The following ENTPD6 variants were observed in gnomAD, a reference collection of about 807,000 sequenced individuals.
ENTPD6 encodes the protein ectonucleoside triphosphate diphosphohydrolase 6, also known as CD39 antigen-like 2.
ENTPD6 carries 46 observed loss-of-function variants against 61.5 expected under a neutral mutation model. The observed-to-expected ratio is 0.75, with a 90% CI of 0.59 to 0.96. ENTPD6 has a LOEUF of 0.96. Ranked by LOEUF, ENTPD6 falls within the 40% of genes least tolerant of loss-of-function variation. ENTPD6 has a pLI of 0.00. For missense variants in ENTPD6, 612 were observed against 629.0 expected, an observed-to-expected ratio of 0.97 and a Z score of 0.29; for synonymous variants, 252 against 255.5, an observed-to-expected ratio of 0.99 and a Z score of 0.13.
In ENTPD6 at chr20:25,206,660, A is replaced by G. The variant is rs563542122; in HGVS notation, c.54+70A>G. 17 of 1,106,784 alleles carry G rather than the reference A, an allele frequency of 1.5e-5. No homozygotes were observed. In the South Asian group the frequency reaches 2.0e-4, roughly 13 times the overall value. 68.6% of individuals were successfully genotyped at this position (1,106,784 alleles called of 1,614,324 possible). A position where few individuals can be genotyped will look rare whatever the true frequency, so the allele number is the denominator to read the frequency against. Reference sequence around the variant, plus strand: ...ACCTTTCGAAAAGTAAATTGCCTGAATAGAAGTATAACTGAGGATTGAAAG... The same window carrying G: ...ACCTTTCGAAAAGTAAATTGCCTGAGTAGAAGTATAACTGAGGATTGAAAG... On this transcript the variant is annotated intron_variant, in intron 2 of 14. Transcript: ENST00000376652.
At chr20:25,202,772 T>A (rs1446047873) in intron 1 of ENTPD6, among the ~76,000 whole-genome samples, 2 of 152,260 alleles carry the variant, frequency 1.3e-5, no homozygotes, top group African/African-American at 4.8e-5. Context: ...TGCATATATC[T>A]TTTAAATCCT....
rs374640731 is a variant in ENTPD6, at chr20:25,214,829, A to G, written c.598-38A>G. On this transcript the variant is annotated intron_variant, in intron 5 of 14. Transcript: ENST00000376652. ...AATAAATAAATATATTCATTCATTC[A>G]TTCTAAAGGATGAAGTAACATCTCT... is the stretch of plus-strand genomic sequence containing the variant. 3.4e-6 allele frequency: 4 copies of G among 1,167,804 alleles called. No individual in the cohort carries two copies. The Admixed American group carries it at 5.0e-5, about 15-fold the overall frequency. The allele number at this position is 1,167,804 out of a possible 1,614,324, so 72.3% of individuals were successfully genotyped here. A position where few individuals can be genotyped will look rare whatever the true frequency, so the allele number is the denominator to read the frequency against.
In ENTPD6 at chr20:25,209,917, G is replaced by A. The variant is rs2091836742; in HGVS notation, c.445G>A (p.Val149Ile). 1 of 1,613,964 alleles carries A rather than the reference G, an allele frequency of 6.2e-7. No homozygotes were observed. Among genetic ancestry groups the A allele is most frequent in the Non-Finnish European group, 8.5e-7 (1 of 1,179,808 alleles). ...AGGTCTTTCTGCCTATGCTGATGAT[G>A]TTGAAAAGGTAAGGATCCTCTCCCG... ...KPGLSAYADD[V>I]EKSAQGIREL... Residue 149 changes from valine (V) to isoleucine (I), a missense_variant, in exon 4 of 15, where the codon GTT becomes ATT. By Grantham distance (29) the Val-to-Ile change is conservative. Coordinates refer to ENST00000376652, the MANE Select transcript of ENTPD6 (RefSeq NM_001247.5).
rs113615468 is a variant in ENTPD6 at position 25,218,546 on chromosome 20, A to G, written c.879-4A>G. 27 of 1,603,192 alleles carry G rather than the reference A, an allele frequency of 1.7e-5. No individual in the cohort carries two copies. The highest frequency in any genetic ancestry group is 1.6e-4 in the Middle Eastern group (1 of 6,074). Reference sequence around the variant, plus strand: ...CTGCCCTCACTGAGGTGTCATTCCCACAGCTACCTCGGGCTCGGGCTGATG... The same window carrying G: ...CTGCCCTCACTGAGGTGTCATTCCCGCAGCTACCTCGGGCTCGGGCTGATG... On this transcript the variant is annotated splice_region_variant and splice_polypyrimidine_tract_variant and intron_variant, in intron 9 of 14. Transcript: ENST00000376652.
chr20:25,195,991 ACCT>A, intron 1 of ENTPD6, 124 bp downstream of exon 1: 1 of 887,410 alleles, frequency 1.1e-6, no homozygotes, highest in Non-Finnish European at 1.5e-6. Context: ...CCCGGGTCCC[ACCT>A]CCTGCTGCCT....
intron 13 of ENTPD6, chr20:25,224,908 C>G (rs1350215158): frequency 2.3e-6 from 1 of 427,892 alleles, no homozygotes; most frequent in African/African-American, 2.0e-5. Context: ...AGCTTGACAC[C>G]TGGGAGAGGT....
chr20:25,221,462 C>T (rs749530830), intron 11 of ENTPD6, 129 bp downstream of exon 11: 6 of 754,252 alleles, frequency 8.0e-6, no homozygotes, highest in Non-Finnish European at 1.4e-5. Flanking sequence ...GAGCCTGTAC[C>T]TGCCCTGGAA....
At position 25,224,180 on chromosome 20, in the gene ENTPD6, T is replaced by C. The variant is rs188147274; in HGVS notation, c.1243+23T>C. Reference sequence around the variant, plus strand: ...ACGGTGAGTGATGCTGCAGGGGCCATCTCAGCAGGGGCAGGCGCCCCGTGA... The same window carrying C: ...ACGGTGAGTGATGCTGCAGGGGCCACCTCAGCAGGGGCAGGCGCCCCGTGA... On this transcript the variant is annotated intron_variant, in intron 13 of 14. Transcript: ENST00000376652. 234 of 1,607,264 alleles carry C rather than the reference T, an allele frequency of 1.5e-4. 1 individual carries two copies. In the East Asian group the frequency reaches 5.2e-3, roughly 36 times the overall value.
At chr20:25,207,475 T>C in intron 3 of ENTPD6, 78 bp downstream of exon 3, 1 of 1,320,858 alleles carries the variant, frequency 7.6e-7, no homozygotes, top group Non-Finnish European at 1.0e-6. Flanking sequence ...TGCCACAGAC[T>C]CACCTGGGAG....
Position 25,222,951 on chromosome 20 carries a change from G to T in ENTPD6, c.1159G>T (p.Asp387Tyr), listed in dbSNP as rs775355841. ...VDFYAFSYYY[D>Y]LAAGVGLIDA... ...CTTCTATGCTTTCTCCTACTATTAC[G>T]ACCTTGCAGCTGGTGTGGGCCTCAT... Residue 387 changes from aspartate (D) to tyrosine (Y), a missense_variant, in exon 12 of 15, where the codon GAC (aspartate) becomes TAC (tyrosine). Transcript: ENST00000376652. 6.2e-7 allele frequency: 1 copy of T among 1,600,248 alleles called. No individual in the cohort carries two copies. Among genetic ancestry groups the T allele is most frequent in the South Asian group, 1.1e-5 (1 of 90,914 alleles).
At chr20:25,210,969 T>C (rs562870205) in intron 4 of ENTPD6, among the ~76,000 whole-genome samples, 3 of 152,280 alleles carry the variant, frequency 2.0e-5, no homozygotes, top group African/African-American at 7.2e-5. Context: ...TTATGCAAAA[T>C]CCACAAAACC....
chr20:25,203,834 G>A (rs1441190832), intron 1 of ENTPD6, among the ~76,000 whole-genome samples: 1 of 152,012 alleles, frequency 6.6e-6, no homozygotes, highest in South Asian at 2.1e-4. Flanking sequence ...CTGAACATTG[G>A]GCATTTGAAA....
At position 25,210,646 on chromosome 20, in the gene ENTPD6, A is replaced by G. The variant is rs138017457; in HGVS notation, c.453+721A>G. On this transcript the variant is annotated intron_variant, in intron 4 of 14. Coordinates refer to ENST00000376652, the MANE Select transcript of ENTPD6 (RefSeq NM_001247.5). Reference sequence around the variant, plus strand: ...GACCTTATATTTAAAGAAAAAAGTTAAAAACGTATTACAGGCCAGGCACAG... The same window carrying G: ...GACCTTATATTTAAAGAAAAAAGTTGAAAACGTATTACAGGCCAGGCACAG... 1.8e-3 allele frequency among the ~76,000 whole-genome samples: 273 copies of G among 152,224 alleles called. 2 individuals are homozygous for G. Among genetic ancestry groups the G allele is most frequent in the African/African-American group, 6.0e-3 (249 of 41,510 alleles).
intron 3 of ENTPD6, 47 bp downstream of exon 3, chr20:25,207,444 T>C: frequency 4.7e-6 from 7 of 1,485,370 alleles, no homozygotes; most frequent in Non-Finnish European, 6.3e-6. Context: ...TCCCCTGTGC[T>C]ACAGTGTTGG....
intron 3 of ENTPD6, 121 bp downstream of exon 3, chr20:25,207,518 C>T (rs989296154): frequency 2.5e-5 from 22 of 887,770 alleles, no homozygotes; most frequent in African/African-American, 2.0e-4. Flanking sequence ...GAGATGCTGA[C>T]GCTGGTATGG....
chr20:25,222,590 C>T (rs577670983), intron 11 of ENTPD6: 71 of 451,936 alleles, frequency 1.6e-4, no homozygotes, highest in South Asian at 1.5e-3. Context: ...GAGTCCAGGT[C>T]TGCCGCTGCC....
rs370112187 is a variant in ENTPD6, at chr20:25,213,427, G to T, written c.597+21G>T. 7 of 1,587,590 alleles carry T rather than the reference G, an allele frequency of 4.4e-6. No homozygotes were observed. The African/African-American group carries it at 6.7e-5, about 15-fold the overall frequency. On this transcript the variant is annotated intron_variant, in intron 5 of 14. Transcript: ENST00000376652. The stretch of plus-strand genomic sequence containing the variant: ...AGAAGGTGAGCCTGGCCATTCCCCA[G>T]TGCCATTAGCCAGCCCTCAGGGGCA...
intron 10 of ENTPD6, among the ~76,000 whole-genome samples, chr20:25,220,116 A>T (rs2092564404): frequency 6.6e-6 from 1 of 152,030 alleles, no homozygotes; most frequent in Admixed American, 6.6e-5. Context: ...CCTGTTTTAG[A>T]CATTTGGGGG....
chr20:25,205,309 G>C (rs898038337), intron 1 of ENTPD6, among the ~76,000 whole-genome samples: 1 of 152,206 alleles, frequency 6.6e-6, no homozygotes, highest in Admixed American at 6.5e-5. Flanking sequence ...ATCCGGGAAG[G>C]GGGTGGCAGT....
Sources: allele counts gnomAD v4.1 joint callset (sites outside exome capture counted in the v4.1 genomes callset), GRCh38; gene constraint gnomAD v4.1.1; transcripts MANE v1.5; gene names NCBI Gene and HGNC (gene_info 2026-07-23, HGNC 2026-07-21).